COL24A1: variants seen among roughly 807,000 people sequenced by gnomAD.
COL24A1 encodes the protein collagen alpha-1(XXIV) chain.
In COL24A1, 224 loss-of-function variants were observed where a neutral mutation model predicts 253.9. The ratio of observed to expected loss-of-function variants is 0.88; its 90% CI spans 0.79 to 0.99. COL24A1 has a LOEUF of 0.99. Ranked by LOEUF, COL24A1 falls within the 50% of genes least tolerant of loss-of-function variation. The pLI is 0.00. For synonymous variants in COL24A1, 685 were observed against 673.7 expected, an observed-to-expected ratio of 1.02 and a Z score of -0.26; for missense variants, 2,131 against 2,068.5, an observed-to-expected ratio of 1.03 and a Z score of -0.59.
chr1:86,123,291 GAATAGCT>G (rs2102248698), intron 3 of COL24A1, among the ~76,000 whole-genome samples: 1 of 151,888 alleles, frequency 6.6e-6, no homozygotes, highest in East Asian at 1.9e-4. Flanking sequence ...ATCTTATTCT[GAATAGCT>G]CAGCTTTAAG....
intron 47 of COL24A1, 107 bp from the exon 48 acceptor site, chr1:85,786,568 A>G (rs919184917): frequency 1.1e-6 from 1 of 882,136 alleles, no homozygotes; most frequent in South Asian, 1.9e-5. Flanking sequence ...GTCTGTTAAC[A>G]TACTGCCCAG....
At chr1:85,760,867 G>A (rs1201397075) in intron 55 of COL24A1, among the ~76,000 whole-genome samples, 1 of 152,158 alleles carries the variant, frequency 6.6e-6, no homozygotes, top group African/African-American at 2.4e-5. Context: ...GAGGGCATGA[G>A]AATAGCAGAA....
intron 37 of COL24A1, among the ~76,000 whole-genome samples, chr1:85,861,474 T>G (rs1679141292): frequency 2.0e-5 from 3 of 152,206 alleles, no homozygotes; most frequent in Admixed American, 2.0e-4. Context: ...GTCCAATTTA[T>G]CTTAGAAGAC....
chr1:86,060,409 T>C (rs974047133), intron 8 of COL24A1, among the ~76,000 whole-genome samples: 1 of 152,154 alleles, frequency 6.6e-6, no homozygotes, highest in African/African-American at 2.4e-5. Context: ...TGGAAGATAA[T>C]TGCACTTTGT....
At chr1:86,126,258 G>A in intron 2 of COL24A1, 44 bp from the exon 3 acceptor site, 1 of 1,492,796 alleles carries the variant, frequency 6.7e-7, no homozygotes. Flanking sequence ...TTAATTTTAT[G>A]GATTCAAGTG....
intron 21 of COL24A1, among the ~76,000 whole-genome samples, 173 bp downstream of exon 21, chr1:85,971,167 C>G (rs954968962): frequency 6.6e-6 from 1 of 152,054 alleles, no homozygotes; most frequent in African/African-American, 2.4e-5. Flanking sequence ...CAAGATAGCA[C>G]CACTGCACTC....
At position 85,816,907 on chromosome 1, in the gene COL24A1, A is replaced by T. The variant is rs753654990; in HGVS notation, c.3844-12T>A. ...AGGCCTTGAAGTCCCTTGATAATTA[A>T]AAATTATTTGGATTGTAGAGATGCT... On this transcript the variant is annotated splice_polypyrimidine_tract_variant and intron_variant, in intron 46 of 59. Transcript: ENST00000370571. 3 of 1,580,286 alleles carry T rather than the reference A, an allele frequency of 1.9e-6. No individual in the cohort carries two copies. Among genetic ancestry groups the T allele is most frequent in the African/African-American group, 1.3e-5 (1 of 74,130 alleles).
chr1:86,129,048 A>T (rs1205396132), intron 2 of COL24A1, among the ~76,000 whole-genome samples: 2 of 151,862 alleles, frequency 1.3e-5, no homozygotes, highest in Non-Finnish European at 2.9e-5. Flanking sequence ...ACAAAAACTC[A>T]CCTATAAACC....
At chr1:85,881,103 A>G (rs1020122602) in intron 32 of COL24A1, among the ~76,000 whole-genome samples, 18 of 152,230 alleles carry the variant, frequency 1.2e-4, no homozygotes, top group Non-Finnish European at 2.5e-4. Context: ...CAGCTTGTAC[A>G]TAATTGGTAT....
At chr1:85,775,538 C>T in intron 53 of COL24A1, 136 bp downstream of exon 53, 2 of 700,960 alleles carry the variant, frequency 2.9e-6, no homozygotes, top group East Asian at 2.7e-5. Flanking sequence ...ATTCTACTTC[C>T]TGACAACTGC....
intron 5 of COL24A1, among the ~76,000 whole-genome samples, chr1:86,103,239 T>G (rs1211751372): frequency 6.6e-6 from 1 of 152,142 alleles, no homozygotes; most frequent in Admixed American, 6.6e-5. Context: ...CTTGATAGAT[T>G]TTTCTTTATC....
chr1:86,083,302 A>AT (rs1702808380), intron 7 of COL24A1, among the ~76,000 whole-genome samples: 1 of 146,664 alleles, frequency 6.8e-6, no homozygotes, highest in Non-Finnish European at 1.5e-5. Flanking sequence ...CGTCTCAAAA[A>AT]AATATATATA....
intron 1 of COL24A1, among the ~76,000 whole-genome samples, chr1:86,148,248 G>A (rs746563148): frequency 1.7e-4 from 26 of 152,016 alleles, no homozygotes; most frequent in East Asian, 3.9e-4. Flanking sequence ...GCAGTGGAGC[G>A]ATCTCAGCTC....
At chr1:85,927,299 C>T (rs573158459) in intron 24 of COL24A1, among the ~76,000 whole-genome samples, 22 of 152,262 alleles carry the variant, frequency 1.4e-4, no homozygotes, top group Middle Eastern at 3.4e-3. Context: ...GTTCCCTTTC[C>T]GAGTCAAAGA....
intron 37 of COL24A1, among the ~76,000 whole-genome samples, chr1:85,861,677 A>T (rs992231982): frequency 2.0e-5 from 3 of 152,196 alleles, no homozygotes; most frequent in African/African-American, 7.2e-5. Context: ...GTCTTGGCGT[A>T]TGATGTGCTT....
intron 24 of COL24A1, among the ~76,000 whole-genome samples, chr1:85,957,123 A>G (rs1406509386): frequency 6.6e-6 from 1 of 152,190 alleles, no homozygotes; most frequent in Non-Finnish European, 1.5e-5. Context: ...TCTCACACAT[A>G]AGTGGGAGTT....
chr1:85,809,726 T>G (rs1390357426), intron 47 of COL24A1, among the ~76,000 whole-genome samples: 1 of 149,764 alleles, frequency 6.7e-6, no homozygotes, highest in Non-Finnish European at 1.5e-5. Flanking sequence ...AAGGTTGCTG[T>G]TTTTTTTGTT....
At chr1:85,979,305 C>T (rs956111006) in intron 20 of COL24A1, among the ~76,000 whole-genome samples, 2 of 151,956 alleles carry the variant, frequency 1.3e-5, no homozygotes, top group Non-Finnish European at 2.9e-5. Context: ...ACAAATAAAA[C>T]CCAAACCCAG....
intron 13 of COL24A1, among the ~76,000 whole-genome samples, chr1:86,033,641 TAAC>T (rs1323068717): frequency 3.4e-5 from 5 of 146,550 alleles, no homozygotes; most frequent in African/African-American, 1.2e-4. Flanking sequence ...CAGTTATACT[TAAC>T]ATCATCAAAA....
Sources: allele counts gnomAD v4.1 joint callset (sites outside exome capture counted in the v4.1 genomes callset), GRCh38; gene constraint gnomAD v4.1.1; transcripts MANE v1.5; gene names NCBI Gene and HGNC (gene_info 2026-07-23, HGNC 2026-07-21).